Variants in DNAAF9 observed in about 807,000 individuals in gnomAD.
DNAAF9 encodes shulin.
A neutral mutation model predicts 167.0 loss-of-function variants in DNAAF9; 90 were observed. That is an observed-to-expected ratio of 0.54 (90% CI 0.45 to 0.64). The LOEUF (loss-of-function observed/expected upper bound fraction) is 0.64, where lower values mean the gene tolerates loss of function less well. Ranked by LOEUF, DNAAF9 falls within the 30% of genes least tolerant of loss-of-function variation. The pLI, the probability that DNAAF9 is intolerant of heterozygous loss-of-function variation, is 0.00. For synonymous variants in DNAAF9, 491 were observed against 508.8 expected (o/e 0.96, Z 0.47); for missense variants, 1,315 against 1,442.2 (o/e 0.91, Z 1.43).
At chr20:3,311,521 G>T (rs1397809947) in intron 20 of DNAAF9, among the ~76,000 whole-genome samples, 2 of 152,056 alleles carry the variant, frequency 1.3e-5, no homozygotes, top group Admixed American at 6.6e-5. Context: ...GAGAAGCTGG[G>T]ATTACAGGCA....
intron 12 of DNAAF9, 51 bp from the exon 13 acceptor site, chr20:3,326,335 T>C (rs2069710655): frequency 1.6e-6 from 2 of 1,272,972 alleles, no homozygotes; most frequent in Non-Finnish European, 2.3e-6. Context: ...GAGGTTTTTG[T>C]CAAAAGATGC....
At chr20:3,341,758 T>C (rs774239157) in intron 9 of DNAAF9, among the ~76,000 whole-genome samples, 4 of 152,206 alleles carry the variant, frequency 2.6e-5, no homozygotes, top group Non-Finnish European at 4.4e-5. Context: ...ATGGATTCTC[T>C]ACATTGCAGT....
intron 8 of DNAAF9, among the ~76,000 whole-genome samples, chr20:3,345,202 G>A (rs1294327242): frequency 2.0e-5 from 3 of 152,102 alleles, no homozygotes; most frequent in African/African-American, 4.8e-5. Flanking sequence ...GTTTTTAGTA[G>A]AGACAGGGTT....
At chr20:3,296,672 C>T in intron 23 of DNAAF9, 189 bp downstream of exon 23, 1 of 607,542 alleles carries the variant, frequency 1.6e-6, no homozygotes, top group Non-Finnish European at 2.9e-6. Flanking sequence ...TGAGGCACTG[C>T]ACATGGCCCT....
chr20:3,296,115 T>C lies in DNAAF9; in HGVS notation c.2018+746A>G, dbSNP rs936117081. ...TTGTTTGGATCAGGAAAATGCACTT[T>C]ACATGTACAAGGTAAATTAGCTTCA... On this transcript the variant is annotated intron_variant, in intron 23 of 36. Transcript: ENST00000252032. 1.2e-5 allele frequency: 8 copies of C among 664,396 alleles called. No homozygotes were observed. The Admixed American group carries it at 1.4e-4, about 12-fold the overall frequency. The allele number at this position is 664,396 out of a possible 1,614,324, so 41.2% of individuals were successfully genotyped here. A position where few individuals can be genotyped will look rare whatever the true frequency, so the allele number is the denominator to read the frequency against.
chr20:3,377,606 C>T (rs923959544), intron 3 of DNAAF9, among the ~76,000 whole-genome samples: 4 of 151,894 alleles, frequency 2.6e-5, no homozygotes, highest in Non-Finnish European at 1.5e-5. Flanking sequence ...TACAGGTGAG[C>T]GCCACCATGC....
chr20:3,319,082 C>CAAAAAAAAAAAAAAAAAAAAAA (rs71195834), intron 16 of DNAAF9, among the ~76,000 whole-genome samples: 3 of 71,136 alleles, frequency 4.2e-5, no homozygotes, highest in Non-Finnish European at 4.9e-5. Flanking sequence ...GACTCTGTCT[C>CAAAAAAAAAAAAAAAAAAAAAA]AAAAAAAAAA....
At chr20:3,369,454 G>A (rs1432749619) in intron 6 of DNAAF9, among the ~76,000 whole-genome samples, 1 of 150,820 alleles carries the variant, frequency 6.6e-6, no homozygotes, top group African/African-American at 2.4e-5. Context: ...TCAGCTCACT[G>A]CAACCCCCAC....
chr20:3,296,911 G>T lies in DNAAF9; in HGVS notation c.1968C>A (p.Ile656=), dbSNP rs375680301. 29 of 1,611,334 alleles carry T rather than the reference G, an allele frequency of 1.8e-5. No homozygotes were observed. Among genetic ancestry groups the T allele is most frequent in the Non-Finnish European group, 2.4e-5 (28 of 1,177,656 alleles). The change falls in exon 23 of 37, where the codon ATC becomes ATA. Residue 656 remains isoleucine, a synonymous_variant. Transcript: ENST00000252032. ...SLWKQQDNSG[I]SLKVIQEDGL... ...CATCTTCCTGGATCACTTTTAAAGA[G>T]ATCCCTGAGTTATCCTGCTGTTTCC... is the stretch of plus-strand genomic sequence containing the variant.
In DNAAF9 at chr20:3,285,717, G is replaced by C. The variant is rs1412748068; in HGVS notation, c.2486+1915C>G. 2.1e-5 allele frequency among the ~76,000 whole-genome samples: 3 copies of C among 144,182 alleles called. No homozygotes were observed. In the Admixed American group the frequency reaches 2.1e-4, roughly 10 times the overall value. 94.6% of individuals were successfully genotyped at this position (144,182 alleles called of 152,430 possible). A position where few individuals can be genotyped will look rare whatever the true frequency, so the allele number is the denominator to read the frequency against. Reference sequence around the variant, plus strand: ...AAAAGGGCCAGGAGCGGTGGCTCATGCCTGTAATTGCAGCACTTTGGGAGG... The same window carrying C: ...AAAAGGGCCAGGAGCGGTGGCTCATCCCTGTAATTGCAGCACTTTGGGAGG... On this transcript the variant is annotated intron_variant, in intron 27 of 36. Transcript: ENST00000252032.
At chr20:3,338,938 G>A (rs2093438315) in intron 10 of DNAAF9, among the ~76,000 whole-genome samples, 1 of 151,776 alleles carries the variant, frequency 6.6e-6, no homozygotes, top group Admixed American at 6.6e-5. Flanking sequence ...ACAGGTGTGA[G>A]CCACTGTGCC....
intron 20 of DNAAF9, among the ~76,000 whole-genome samples, chr20:3,312,127 T>A (rs950395982): frequency 2.6e-5 from 4 of 152,156 alleles, no homozygotes; most frequent in African/African-American, 9.7e-5. Context: ...TAGCTGGGAT[T>A]ACAGGCATGC....
chr20:3,295,850 CA>C, intron 23 of DNAAF9: 1 of 974,932 alleles, frequency 1.0e-6, no homozygotes, highest in Non-Finnish European at 1.6e-6. Flanking sequence ...GTTTAATCCC[CA>C]AACGACATCC....
At chr20:3,384,337 A>G (rs1286763256) in intron 1 of DNAAF9, 1 of 152,252 alleles carries the variant, frequency 6.6e-6, no homozygotes, top group Non-Finnish European at 1.5e-5. Context: ...TCTCCTGAGC[A>G]TAAAGCTGGT....
chr20:3,287,192 A>G (rs2068866515), intron 27 of DNAAF9, among the ~76,000 whole-genome samples: 1 of 152,204 alleles, frequency 6.6e-6, no homozygotes. Context: ...CTCCTCACTG[A>G]AGGTCCCAGG....
chr20:3,249,789 A>C lies in DNAAF9; in HGVS notation c.*2783T>G, dbSNP rs1390753391. The C allele has an allele frequency of 6.6e-6, 1 of 152,182 alleles. No individual in the cohort carries two copies. The highest frequency in any genetic ancestry group is 2.4e-5 in the African/African-American group (1 of 41,434). 9.4% of individuals were successfully genotyped at this position (152,182 alleles called of 1,614,324 possible). ...GCAACCCAGAGCTTCTTACTGTGCA[A>C]AAATTCTCCAAAATCCTAATAGAAT... On this transcript the variant is annotated 3_prime_UTR_variant, in exon 37 of 37. Coordinates refer to ENST00000252032, the MANE Select transcript of DNAAF9 (RefSeq NM_001009984.3).
intron 6 of DNAAF9, among the ~76,000 whole-genome samples, chr20:3,365,404 TATTTTTA>T (rs2083419343): frequency 7.6e-6 from 1 of 132,234 alleles, no homozygotes; most frequent in African/African-American, 2.8e-5. Context: ...TTTATTTATT[TATTTTTA>T]GGAGGAGTCT....
chr20:3,281,623 A>G lies in DNAAF9; in HGVS notation c.2612+18T>C, dbSNP rs1280565948. The G allele has an allele frequency of 1.3e-6, 2 of 1,588,272 alleles. No individual in the cohort carries two copies. The highest frequency in any genetic ancestry group is 1.7e-6 in the Non-Finnish European group (2 of 1,170,386). ...CAAATCACTTTCAGTACACTTACACACCATATCCTGTATCTACCTGTGCTC... is the reference window on the plus strand; with the variant it reads ...CAAATCACTTTCAGTACACTTACACGCCATATCCTGTATCTACCTGTGCTC... On this transcript the variant is annotated intron_variant, in intron 28 of 36. Transcript: ENST00000252032.
At chr20:3,309,167 A>C (rs1466718308) in intron 20 of DNAAF9, among the ~76,000 whole-genome samples, 1 of 151,708 alleles carries the variant, frequency 6.6e-6, no homozygotes, top group Non-Finnish European at 1.5e-5. Context: ...TTGGCTTTTC[A>C]GGATTTTCAA....
Sources: gnomAD v4.1 joint callset for allele counts (sites outside exome capture counted in the v4.1 genomes callset) on GRCh38, gnomAD v4.1.1 for gene constraint, MANE v1.5 for transcripts, NCBI Gene and HGNC (gene_info 2026-07-23, HGNC 2026-07-21) for gene names.